Variants in DISP3 observed in about 807,000 individuals in gnomAD.
The protein encoded by DISP3 is dispatched RND transporter family member 3.
Under a neutral mutation model 135.3 loss-of-function variants are expected in DISP3, and 101 were observed. The ratio of observed to expected loss-of-function variants is 0.75; its 90% CI spans 0.64 to 0.88. The LOEUF is 0.88. DISP3 is among the 40% of genes least tolerant of loss of function. DISP3 has a pLI of 0.00. For synonymous variants in DISP3, 856 were observed against 817.0 expected (o/e 1.05, Z -0.81); for missense variants, 1,713 against 1,878.6 (o/e 0.91, Z 1.63).
At chr1:11,511,651 T>C (rs1260797283) in intron 3 of DISP3, among the ~76,000 whole-genome samples, 1 of 152,084 alleles carries the variant, frequency 6.6e-6, no homozygotes, top group Non-Finnish European at 1.5e-5. Flanking sequence ...TCCAGGCACA[T>C]GGTGCAAGCT....
intron 5 of DISP3, 95 bp from the exon 6 acceptor site, chr1:11,515,906 C>T (rs548806662): frequency 7.0e-7 from 1 of 1,418,870 alleles, no homozygotes; most frequent in East Asian, 2.3e-5. Flanking sequence ...CCTGACCTCC[C>T]AGGAGGCCAC....
In DISP3 at chr1:11,536,329, C is replaced by T; in HGVS notation, c.3822C>T (p.Ala1274=). ...AGCTCTCCTCTTGCCCCCAGGACGC[C>T]CGAACGCAGCGCCAGTGGCGTACGC... ...ENLPPHQAED[A]RTQRQWRTLE... Residue 1274 remains alanine (A), a synonymous_variant, in exon 21 of 21, where the codon GCC becomes GCT. Transcript: ENST00000294484. This position sits in a 1 kb window ranked among gnomAD's most constrained non-coding sequence, Gnocchi z 4.3. 6.3e-7 allele frequency: 1 copy of T among 1,598,856 alleles called. No individual in the cohort carries two copies.
chr1:11,532,255 C>G (rs1289375299), intron 17 of DISP3, among the ~76,000 whole-genome samples: 1 of 152,230 alleles, frequency 6.6e-6, no homozygotes, highest in African/African-American at 2.4e-5. Context: ...GGCCCTGGCA[C>G]ATGGCTCTCC....
chr1:11,499,320 C>T lies in DISP3; in HGVS notation c.-3-1670C>T, dbSNP rs2100399082. On this transcript the variant is annotated intron_variant, in intron 1 of 20. Coordinates refer to ENST00000294484, the MANE Select transcript of DISP3 (RefSeq NM_020780.2). This position sits in a 1 kb window ranked among gnomAD's most constrained non-coding sequence, Gnocchi z 5.2. ...AAACTGCAAACACGGCCCCTCCCCT[C>T]TCCACCTTATTCCCATCAGCTTTCT... 6.6e-6 allele frequency among the ~76,000 whole-genome samples: 1 copy of T among 152,320 alleles called. No individual in the cohort carries two copies. Among genetic ancestry groups the T allele is most frequent in the Non-Finnish European group, 1.5e-5 (1 of 68,042 alleles).
chr1:11,517,427 C>T, intron 6 of DISP3, 36 bp from the exon 7 acceptor site: 1 of 1,610,298 alleles, frequency 6.2e-7, no homozygotes, highest in South Asian at 1.1e-5. Context: ...GCAGGTCCAA[C>T]CTGTCCCACA....
Position 11,525,675 on chromosome 1 carries a change from G to A in DISP3, c.2613+363G>A, listed in dbSNP as rs76360744. ...AGGCCTGTGCCGTGCAGAACGCCTG[G>A]GTGCAGTCCCTCCTCAGGCAGTGGC... On this transcript the variant is annotated intron_variant, in intron 12 of 20. Transcript: ENST00000294484. Among the ~76,000 whole-genome samples, 1,025 of 152,364 alleles carry A rather than the reference G, an allele frequency of 6.7e-3. 12 individuals carry two copies. Among genetic ancestry groups the A allele is most frequent in the African/African-American group, 0.023 (969 of 41,592 alleles).
Position 11,536,566 on chromosome 1 carries a change from G to A in DISP3, c.4059G>A (p.Arg1353=). 2 of 1,612,464 alleles carry A rather than the reference G, an allele frequency of 1.2e-6. No individual in the cohort carries two copies. The highest frequency in any genetic ancestry group is 1.7e-6 in the Non-Finnish European group (2 of 1,179,948). The change falls in exon 21 of 21, where the codon CGG becomes CGA. Residue 1353 remains arginine, a synonymous_variant. Coordinates refer to ENST00000294484, the MANE Select transcript of DISP3 (RefSeq NM_020780.2). This position sits in a 1 kb window ranked among gnomAD's most constrained non-coding sequence, Gnocchi z 4.3. ...CGCCCAGCTCTTTCACTCGGACCCG[G>A]ACTTCCTTCCTCAAGGCCCTGGGTG... ...IMAPSSFTRT[R]TSFLKALGAV...
rs1339293023 is a variant in DISP3 at position 11,499,300 on chromosome 1, G to A, written c.-3-1690G>A. The stretch of plus-strand genomic sequence containing the variant: ...GGATGGGTTTAGTTCCCAGAAAACT[G>A]CAAACACGGCCCCTCCCCTCTCCAC... On this transcript the variant is annotated intron_variant, in intron 1 of 20. Coordinates refer to ENST00000294484, the MANE Select transcript of DISP3 (RefSeq NM_020780.2). The surrounding 1 kb of genome is among the most constrained non-coding windows in gnomAD (Gnocchi z 5.2). Among the ~76,000 whole-genome samples, 1 of 152,128 alleles carries A rather than the reference G, an allele frequency of 6.6e-6. No homozygotes were observed. Among genetic ancestry groups the A allele is most frequent in the Non-Finnish European group, 1.5e-5 (1 of 68,026 alleles).
Position 11,534,427 on chromosome 1 carries a change from T to C in DISP3, c.3422T>C (p.Leu1141Pro). 1.2e-6 allele frequency: 2 copies of C among 1,614,208 alleles called. No homozygotes were observed. Among genetic ancestry groups the C allele is most frequent in the Non-Finnish European group, 1.7e-6 (2 of 1,180,036 alleles). ...KSSFQTYSDY[L>P]RWESFLQQQL... ...TCCTTCCAGACCTACTCGGACTACC[T>C]GCGCTGGGAGAGCTTCCTCCAGCAG... Residue 1141 changes from leucine to proline, a missense_variant, in exon 18 of 21, where the codon CTG becomes CCG. Coordinates refer to ENST00000294484, the MANE Select transcript of DISP3 (RefSeq NM_020780.2).
At position 11,537,111 on chromosome 1, in the gene DISP3, TG is replaced by T; in HGVS notation, c.*427del. On this transcript the variant is annotated 3_prime_UTR_variant, in exon 21 of 21. Coordinates refer to ENST00000294484, the MANE Select transcript of DISP3 (RefSeq NM_020780.2). Reference sequence around the variant, plus strand: ...CAGGACACAGTGGCTGCCCTGTCGCTGGATCAGTAGCAGAGCCAGAGCTGCC... The same window carrying T: ...CAGGACACAGTGGCTGCCCTGTCGCTGATCAGTAGCAGAGCCAGAGCTGCC... 6.0e-6 allele frequency: 1 copy of T among 167,410 alleles called. No individual in the cohort carries two copies. The highest frequency in any genetic ancestry group is 1.3e-5 in the Non-Finnish European group (1 of 77,792). The allele number at this position is 167,410 out of a possible 1,614,324, so 10.4% of individuals were successfully genotyped here.
chr1:11,534,953 C>T (rs892755028), intron 18 of DISP3, 58 bp from the exon 19 acceptor site: 1 of 1,450,956 alleles, frequency 6.9e-7, no homozygotes, highest in Non-Finnish European at 9.4e-7. Context: ...ACCCCAGCAG[C>T]ACAGCTTGCT....
At chr1:11,514,679 A>C (rs1641953622) in intron 4 of DISP3, among the ~76,000 whole-genome samples, 153 bp downstream of exon 4, 1 of 152,162 alleles carries the variant, frequency 6.6e-6, no homozygotes, top group Non-Finnish European at 1.5e-5. Flanking sequence ...TTCCAACCCC[A>C]AACAGGCAGA....
chr1:11,513,768 A>G (rs920239338), intron 3 of DISP3, among the ~76,000 whole-genome samples: 1 of 152,190 alleles, frequency 6.6e-6, no homozygotes, highest in Non-Finnish European at 1.5e-5. Flanking sequence ...CAGGATAAGC[A>G]TAGGACTCAT....
rs1642702617 is a variant in DISP3, at chr1:11,536,241, G to A, written c.3817-83G>A. ...AGTAACAGAGCAGGAACCTGGCGTG[G>A]GGTGGGGGTGCGTGATTCCCCAGGT... On this transcript the variant is annotated intron_variant, in intron 20 of 20. Transcript: ENST00000294484. This position sits in a 1 kb window ranked among gnomAD's most constrained non-coding sequence, Gnocchi z 4.3. 2.0e-6 allele frequency: 3 copies of A among 1,506,694 alleles called. No individual in the cohort carries two copies. The African/African-American group carries it at 4.1e-5, about 21-fold the overall frequency. 93.3% of individuals were successfully genotyped at this position (1,506,694 alleles called of 1,614,324 possible). A position where few individuals can be genotyped will look rare whatever the true frequency, so the allele number is the denominator to read the frequency against.
Position 11,527,290 on chromosome 1 carries a change from T to C in DISP3, c.2798+455T>C, listed in dbSNP as rs567173001. Among the ~76,000 whole-genome samples, 696 of 151,450 alleles carry C rather than the reference T, an allele frequency of 4.6e-3. 4 individuals carry two copies. The highest frequency in any genetic ancestry group is 0.015 in the African/African-American group (624 of 41,412). ...ACTGCTGGCCAGGTGCGGTGGCTCATGCCTGTAATCCCACCTCGGGAGGCC... is the reference window on the plus strand; with the variant it reads ...ACTGCTGGCCAGGTGCGGTGGCTCACGCCTGTAATCCCACCTCGGGAGGCC... On this transcript the variant is annotated intron_variant, in intron 13 of 20. Coordinates refer to ENST00000294484, the MANE Select transcript of DISP3 (RefSeq NM_020780.2).
intron 3 of DISP3, among the ~76,000 whole-genome samples, chr1:11,509,584 C>G (rs908736923): frequency 6.6e-6 from 1 of 152,108 alleles, no homozygotes; most frequent in Non-Finnish European, 1.5e-5. Flanking sequence ...CTGTTATTAG[C>G]TATAAAAACA....
intron 13 of DISP3, 47 bp downstream of exon 13, chr1:11,526,882 T>G (rs1351306413): frequency 6.4e-7 from 1 of 1,563,142 alleles, no homozygotes; most frequent in South Asian, 1.1e-5. Flanking sequence ...CCCGGCTGCT[T>G]CTTTGCCCTT....
intron 2 of DISP3, 45 bp downstream of exon 2, chr1:11,502,133 T>TA: frequency 6.6e-7 from 1 of 1,517,188 alleles, no homozygotes; most frequent in South Asian, 1.3e-5. Flanking sequence ...CCAGGTTTCA[T>TA]ACAGCTCTTT....
At position 11,520,613 on chromosome 1, in the gene DISP3, C is replaced by T. The variant is rs913047124; in HGVS notation, c.2201-74C>T. The T allele has an allele frequency of 2.6e-5, 39 of 1,527,194 alleles. No individual in the cohort carries two copies. In the African/African-American group the frequency reaches 2.6e-4, roughly 10 times the overall value. The allele number at this position is 1,527,194 out of a possible 1,614,324, so 94.6% of individuals were successfully genotyped here. A position where few individuals can be genotyped will look rare whatever the true frequency, so the allele number is the denominator to read the frequency against. ...CCCAACAACCAGAGCAGTTGTCTCCCGGCACTTTGGAGCCCCACTGGGAAC... is the reference window on the plus strand; with the variant it reads ...CCCAACAACCAGAGCAGTTGTCTCCTGGCACTTTGGAGCCCCACTGGGAAC... On this transcript the variant is annotated intron_variant, in intron 9 of 20. Transcript: ENST00000294484. The surrounding 1 kb of genome is among the most constrained non-coding windows in gnomAD (Gnocchi z 4.8).
Sources: gnomAD v4.1 joint callset for allele counts (sites outside exome capture counted in the v4.1 genomes callset) on GRCh38, gnomAD v4.1.1 for gene constraint, Gnocchi (gnomAD v3.1) non-coding constraint, MANE v1.5 for transcripts, NCBI Gene and HGNC (gene_info 2026-07-23, HGNC 2026-07-21) for gene names.